Variants in ARMH3 observed in about 807,000 individuals in gnomAD.
The protein encoded by ARMH3 is armadillo like helical domain containing 3.
A neutral mutation model predicts 99.1 loss-of-function variants in ARMH3; 60 were observed. The observed-to-expected ratio is 0.61, with a 90% confidence interval of 0.49 to 0.75. ARMH3 has a LOEUF of 0.75. Among genes scored for constraint, ARMH3 ranks in the 30% least tolerant of loss-of-function variants. The pLI, the probability that ARMH3 is intolerant of heterozygous loss-of-function variation, is 0.00. For synonymous variants in ARMH3, 285 were observed against 292.8 expected (o/e 0.97, Z 0.27); for missense variants, 679 against 843.1 (o/e 0.81, Z 2.41).
At chr10:101,879,167 C>T (rs1026164954) in intron 24 of ARMH3, among the ~76,000 whole-genome samples, 1 of 152,160 alleles carries the variant, frequency 6.6e-6, no homozygotes, top group Non-Finnish European at 1.5e-5. Context: ...ATCTGACACA[C>T]TTAGGTTGTC....
In ARMH3 at chr10:101,847,488, T is replaced by G. The variant is rs1451037272; in HGVS notation, c.*40A>C. ...CTCCCCCTCCAGCCCATGATCCTCA[T>G]GGGTAAGGGCAGTCAGAGGCTGCTC... On this transcript the variant is annotated 3_prime_UTR_variant, in exon 26 of 26. Coordinates refer to ENST00000370033, the MANE Select transcript of ARMH3 (RefSeq NM_024541.3). The G allele has an allele frequency of 1.2e-4, 184 of 1,557,310 alleles. No individual in the cohort carries two copies. The highest frequency in any genetic ancestry group is 1.5e-4 in the Non-Finnish European group (170 of 1,128,854).
In ARMH3 at chr10:101,866,257, C is replaced by T. The variant is rs765594306; in HGVS notation, c.1861-16365G>A. On this transcript the variant is annotated intron_variant, in intron 24 of 25. Transcript: ENST00000370033. ...AAAAAAAAAGCTATCTTTCGCAGTT[C>T]TCATATATTTTTCATGGTGTTTAGT... 1.8e-4 allele frequency among the ~76,000 whole-genome samples: 28 copies of T among 151,522 alleles called. No individual in the cohort carries two copies. The Middle Eastern group carries it at 0.01, about 56-fold the overall frequency.
chr10:101,914,634 G>C (rs1457948307), intron 23 of ARMH3, among the ~76,000 whole-genome samples: 2 of 150,474 alleles, frequency 1.3e-5, no homozygotes, highest in East Asian at 3.9e-4. Flanking sequence ...GGGAGGCCGA[G>C]GCAGGTGGAT....
intron 1 of ARMH3, among the ~76,000 whole-genome samples, chr10:102,048,237 T>C (rs1483053700): frequency 2.0e-5 from 3 of 152,220 alleles, no homozygotes; most frequent in South Asian, 4.1e-4. Flanking sequence ...CCTTTGGGAC[T>C]GTAGCCCATT....
intron 24 of ARMH3, among the ~76,000 whole-genome samples, chr10:101,881,530 C>T (rs138791229): frequency 3.9e-4 from 60 of 152,040 alleles, no homozygotes; most frequent in African/African-American, 1.4e-3. Context: ...ATGATTAAAA[C>T]GGTAAGTAGT....
intron 24 of ARMH3, among the ~76,000 whole-genome samples, chr10:101,869,314 C>A (rs1458058830): frequency 6.6e-6 from 1 of 152,156 alleles, no homozygotes; most frequent in African/African-American, 2.4e-5. Flanking sequence ...GGAACACATT[C>A]TTTTCAAATG....
intron 20 of ARMH3, among the ~76,000 whole-genome samples, chr10:101,969,256 C>T (rs1049276014): frequency 6.6e-5 from 10 of 152,276 alleles, no homozygotes; most frequent in Non-Finnish European, 1.3e-4. Context: ...ACTCTATATA[C>T]TATTTTTGCA....
intron 6 of ARMH3, 27 bp from the exon 7 acceptor site, chr10:102,023,776 G>C: frequency 6.3e-7 from 1 of 1,597,364 alleles, no homozygotes; most frequent in Non-Finnish European, 8.6e-7. Flanking sequence ...GCTTTTTAAA[G>C]TCTGTTCTGA....
At chr10:101,856,748 A>G (rs2066746747) in intron 24 of ARMH3, among the ~76,000 whole-genome samples, 1 of 152,140 alleles carries the variant, frequency 6.6e-6, no homozygotes, top group African/African-American at 2.4e-5. Context: ...GATTTTTTGA[A>G]CCCATTTCTT....
intron 22 of ARMH3, among the ~76,000 whole-genome samples, chr10:101,943,860 C>A (rs1007049195): frequency 6.6e-6 from 1 of 151,268 alleles, no homozygotes; most frequent in Admixed American, 6.6e-5. Context: ...CTCAGGAGAT[C>A]GAGACCATCC....
Position 101,997,500 on chromosome 10 carries a change from G to A in ARMH3, c.1151-2145C>T, listed in dbSNP as rs1847115276. On this transcript the variant is annotated intron_variant, in intron 15 of 25. Transcript: ENST00000370033. Reference sequence around the variant, plus strand: ...CCAGCTACTCAGGAGGCTGAGGCAGGGGAATCGCTTGAACCCGGGAGGCAG... The same window carrying A: ...CCAGCTACTCAGGAGGCTGAGGCAGAGGAATCGCTTGAACCCGGGAGGCAG... 2.0e-5 allele frequency among the ~76,000 whole-genome samples: 3 copies of A among 152,152 alleles called. No homozygotes were observed. In the South Asian group the frequency reaches 6.2e-4, roughly 32 times the overall value.
intron 24 of ARMH3, among the ~76,000 whole-genome samples, chr10:101,861,877 CAAAAAAAAAA>C (rs36095929): frequency 1.1e-5 from 1 of 94,008 alleles, no homozygotes; most frequent in African/African-American, 4.2e-5. Context: ...CTAAAAATAC[CAAAAAAAAAA>C]AAAAAAAAAA....
intron 23 of ARMH3, among the ~76,000 whole-genome samples, chr10:101,919,798 C>T (rs1382510275): frequency 1.3e-5 from 2 of 152,134 alleles, no homozygotes; most frequent in Non-Finnish European, 2.9e-5. Flanking sequence ...TAACCCTTAC[C>T]TTTTTCCTTC....
intron 23 of ARMH3, among the ~76,000 whole-genome samples, chr10:101,901,369 T>G (rs1385756242): frequency 6.6e-6 from 1 of 151,910 alleles, no homozygotes; most frequent in Admixed American, 6.6e-5. Flanking sequence ...CTTTTAGAAC[T>G]CCTCAGGAAA....
intron 23 of ARMH3, among the ~76,000 whole-genome samples, chr10:101,908,656 TTC>T (rs1172987375): frequency 6.6e-6 from 1 of 151,406 alleles, no homozygotes; most frequent in Non-Finnish European, 1.5e-5. Context: ...TGTGGGTTTT[TTC>T]TTTTTCTTTT....
intron 23 of ARMH3, among the ~76,000 whole-genome samples, chr10:101,900,385 C>A (rs1051825083): frequency 6.6e-6 from 1 of 152,170 alleles, no homozygotes; most frequent in African/African-American, 2.4e-5. Context: ...ATTAGATGTT[C>A]TGTCCCTTTT....
chr10:101,861,401 A>G (rs936387102), intron 24 of ARMH3, among the ~76,000 whole-genome samples: 2 of 152,236 alleles, frequency 1.3e-5, no homozygotes, highest in African/African-American at 4.8e-5. Context: ...AATCTGAGAG[A>G]ATGTGTTGCC....
rs1043137007 is a variant in ARMH3 at position 101,889,440 on chromosome 10, T to C, written c.1832A>G (p.Asn611Ser). 18 of 1,613,932 alleles carry C rather than the reference T, an allele frequency of 1.1e-5. No individual in the cohort carries two copies. The African/African-American group carries it at 1.6e-4, about 14-fold the overall frequency. ...CTCCTCTGACAGTTGGGATATGTGA[T>C]TCACAGCAGCGTAGGACTCAATTTT... Reference protein sequence around the residue: ...NPKIESYAAVNHISQLSEEQV... With the variant: ...NPKIESYAAVSHISQLSEEQV... The change falls in exon 24 of 26, where the codon AAT (asparagine) becomes AGT (serine). Residue 611 changes from asparagine (N) to serine (S), a missense_variant. By Grantham distance (46) the Asn-to-Ser change is conservative. Transcript: ENST00000370033.
At chr10:101,871,133 A>G (rs1048835770) in intron 24 of ARMH3, among the ~76,000 whole-genome samples, 3 of 152,242 alleles carry the variant, frequency 2.0e-5, no homozygotes, top group Non-Finnish European at 4.4e-5. Flanking sequence ...TAAATTGAGC[A>G]AAATAGGCAT....
Sources: allele counts gnomAD v4.1 joint callset (sites outside exome capture counted in the v4.1 genomes callset), GRCh38; gene constraint gnomAD v4.1.1; transcripts MANE v1.5; gene names NCBI Gene and HGNC (gene_info 2026-07-23, HGNC 2026-07-21).